The following SLIT3 variants were observed in gnomAD, a reference collection of about 807,000 sequenced individuals.
SLIT3 encodes slit guidance ligand 3.
A neutral mutation model predicts 184.0 loss-of-function variants in SLIT3; 68 were observed. The observed-to-expected ratio is 0.37, with a 90% CI of 0.30 to 0.45. SLIT3 has a LOEUF of 0.45. Among genes scored for constraint, SLIT3 ranks in the 20% least tolerant of loss-of-function variants. The probability of loss-of-function intolerance (pLI) is 1.00; values close to 1 mark genes in which losing one functional copy is unlikely to be tolerated. For missense variants in SLIT3, 1,707 were observed against 2,026.0 expected (o/e 0.84, Z 3.02); for synonymous variants, 831 against 828.6 (o/e 1.00, Z -0.05).
chr5:168,931,292 G>GA (rs1156700048), intron 4 of SLIT3, among the ~76,000 whole-genome samples: 4 of 152,178 alleles, frequency 2.6e-5, no homozygotes, highest in African/African-American at 7.2e-5. Context: ...TGCCTTTTCA[G>GA]AAAAAACAAG....
chr5:169,087,593 G>A (rs988477651), intron 4 of SLIT3, among the ~76,000 whole-genome samples: 9 of 152,174 alleles, frequency 5.9e-5, no homozygotes, highest in African/African-American at 2.2e-4. Context: ...CAGCCACCCA[G>A]TGGAATATTA....
chr5:168,672,353 T>G (rs1761281188), intron 33 of SLIT3, among the ~76,000 whole-genome samples: 1 of 152,214 alleles, frequency 6.6e-6, no homozygotes, highest in Non-Finnish European at 1.5e-5. Context: ...GGTAAAGTCT[T>G]GGGAATCTTA....
At chr5:169,137,836 C>T (rs1761580023) in intron 4 of SLIT3, among the ~76,000 whole-genome samples, 1 of 152,082 alleles carries the variant, frequency 6.6e-6, no homozygotes, top group Non-Finnish European at 1.5e-5. Context: ...TTGGTCACAC[C>T]ACAGCAGCCT....
intron 5 of SLIT3, among the ~76,000 whole-genome samples, chr5:168,845,187 C>A (rs1216775798): frequency 6.6e-6 from 1 of 152,060 alleles, no homozygotes; most frequent in Non-Finnish European, 1.5e-5. Context: ...GGGGAATATA[C>A]CAATTCCAAA....
At chr5:169,190,400 T>C (rs13358972) in intron 4 of SLIT3, among the ~76,000 whole-genome samples, 3,037 of 152,364 alleles carry the variant, frequency 0.02, 104 homozygotes, top group African/African-American at 0.067. Context: ...CCTGAAGCCA[T>C]TCATAACTAC....
chr5:169,273,786 T>C (rs1291253870), intron 1 of SLIT3, among the ~76,000 whole-genome samples: 1 of 152,122 alleles, frequency 6.6e-6, no homozygotes, highest in African/African-American at 2.4e-5. Flanking sequence ...TTACCAAATA[T>C]CTAGTGTGTG....
At chr5:169,100,042 G>C (rs296001) in intron 4 of SLIT3, among the ~76,000 whole-genome samples, 120,615 of 152,186 alleles carry the variant, frequency 0.79, 47,890 homozygotes, top group East Asian at 0.93. Context: ...TCTGCTTCAC[G>C]TACACTTATC....
chr5:169,051,779 T>C (rs1330248956), intron 4 of SLIT3, among the ~76,000 whole-genome samples: 1 of 152,146 alleles, frequency 6.6e-6, no homozygotes, highest in East Asian at 1.9e-4. Flanking sequence ...TGTTAGGGCT[T>C]ATGAGCCAGG....
At chr5:169,030,963 G>C (rs1170514855) in intron 4 of SLIT3, among the ~76,000 whole-genome samples, 2 of 152,138 alleles carry the variant, frequency 1.3e-5, no homozygotes, top group Non-Finnish European at 2.9e-5. Flanking sequence ...TTCTTGGAAA[G>C]GCGAGGCAGA....
intron 5 of SLIT3, among the ~76,000 whole-genome samples, chr5:168,878,405 G>A (rs565508070): frequency 3.7e-4 from 56 of 152,204 alleles, no homozygotes; most frequent in African/African-American, 9.9e-4. Context: ...CTCAGAGGCC[G>A]CCTGCGTCCT....
intron 4 of SLIT3, among the ~76,000 whole-genome samples, chr5:169,085,666 C>T (rs1280026901): frequency 6.6e-6 from 1 of 152,218 alleles, no homozygotes; most frequent in Non-Finnish European, 1.5e-5. Flanking sequence ...CCAAACCCAA[C>T]ACAGCCTGCC....
chr5:169,112,616 G>A (rs547548662), intron 4 of SLIT3, among the ~76,000 whole-genome samples: 18 of 148,736 alleles, frequency 1.2e-4, no homozygotes, highest in Admixed American at 1.0e-3. Flanking sequence ...ACTTTCTAGC[G>A]GACCTCAAAG....
rs1412662881 is a variant in SLIT3 at position 169,010,929 on chromosome 5, T to G, written c.414-127593A>C. Reference sequence around the variant, plus strand: ...GTTTCCAAAAAAAAAAAAAAAAGCCTTTTATTTTTAGAGTGCTTTACAGTA... The same window carrying G: ...GTTTCCAAAAAAAAAAAAAAAAGCCGTTTATTTTTAGAGTGCTTTACAGTA... On this transcript the variant is annotated intron_variant, in intron 4 of 35. Coordinates refer to ENST00000519560, the MANE Select transcript of SLIT3 (RefSeq NM_003062.4). Among the ~76,000 whole-genome samples, 4 of 150,068 alleles carry G rather than the reference T, an allele frequency of 2.7e-5. No homozygotes were observed. In the East Asian group the frequency reaches 7.9e-4, roughly 29 times the overall value.
chr5:168,826,658 G>C (rs1401472115), intron 6 of SLIT3, among the ~76,000 whole-genome samples: 1 of 152,202 alleles, frequency 6.6e-6, no homozygotes, highest in African/African-American at 2.4e-5. Flanking sequence ...TGGGCTCATA[G>C]AGCTTTAGTG....
chr5:168,982,004 C>CATGATATTAACCACCTATAT (rs1303398925), intron 4 of SLIT3, among the ~76,000 whole-genome samples: 2 of 152,314 alleles, frequency 1.3e-5, no homozygotes, highest in South Asian at 4.1e-4. Flanking sequence ...CATTTGTGTA[C>CATGATATTAACCACCTATAT]ATGATATTAA....
chr5:168,818,447 G>T (rs200974452), intron 7 of SLIT3, among the ~76,000 whole-genome samples: 2 of 152,174 alleles, frequency 1.3e-5, no homozygotes, highest in Admixed American at 6.5e-5. Context: ...GGATATTCCA[G>T]GTTCTTCCCC....
chr5:168,877,883 T>C (rs13165104), intron 5 of SLIT3, among the ~76,000 whole-genome samples: 4,267 of 152,206 alleles, frequency 0.028, 88 homozygotes, highest in Non-Finnish European at 0.041. Flanking sequence ...CAATCCCTAC[T>C]GGTTTTTGTC....
intron 4 of SLIT3, among the ~76,000 whole-genome samples, chr5:168,890,624 A>G (rs918403762): frequency 6.6e-6 from 1 of 152,232 alleles, no homozygotes; most frequent in Non-Finnish European, 1.5e-5. Context: ...ACATACTGAA[A>G]TAATTAAGAA....
At chr5:169,213,762 T>C (rs1168944451) in intron 3 of SLIT3, among the ~76,000 whole-genome samples, 1 of 152,246 alleles carries the variant, frequency 6.6e-6, no homozygotes, top group Non-Finnish European at 1.5e-5. Context: ...CTTTTTTCTC[T>C]TCCTACTATA....
Sources: allele counts gnomAD v4.1 joint callset (sites outside exome capture counted in the v4.1 genomes callset), GRCh38; gene constraint gnomAD v4.1.1; transcripts MANE v1.5; gene names NCBI Gene and HGNC (gene_info 2026-07-23, HGNC 2026-07-21).